PARP4: variants seen among roughly 807,000 people sequenced by gnomAD.
PARP4 encodes the protein poly(ADP-ribose) polymerase family member 4.
Under a neutral mutation model 187.7 loss-of-function variants are expected in PARP4, and 120 were observed. The ratio of observed to expected loss-of-function variants is 0.64; its 90% CI spans 0.55 to 0.74. The LOEUF (loss-of-function observed/expected upper bound fraction) is 0.74, where lower values mean the gene tolerates loss of function less well. PARP4 is among the 30% of genes least tolerant of loss of function. PARP4 has a pLI of 0.00. For synonymous variants in PARP4, 654 were observed against 740.9 expected (o/e 0.88, Z 1.90); for missense variants, 1,836 against 2,070.5 (o/e 0.89, Z 2.20).
chr13:24,434,180 G>T (rs1870482727), intron 31 of PARP4, among the ~76,000 whole-genome samples: 1 of 152,198 alleles, frequency 6.6e-6, no homozygotes, highest in South Asian at 2.1e-4. Flanking sequence ...AGAAACACCA[G>T]CCAGCATCAA....
chr13:24,478,143 C>T lies in PARP4; in HGVS notation c.1582G>A (p.Asp528Asn), dbSNP rs761239112. 12 of 1,613,468 alleles carry T rather than the reference C, an allele frequency of 7.4e-6. No homozygotes were observed. Among genetic ancestry groups the T allele is most frequent in the South Asian group, 4.4e-5 (4 of 91,018 alleles). ...GTTTGCGAAACTCCATGCACACTGT[C>T]GTAGCCTGGTGGTGCTTCAGTTAAG... is the stretch of plus-strand genomic sequence containing the variant. ...FSLTEAPPGY[D>N]SVHGVSQTAS... The change falls in exon 13 of 34, where the codon GAC (aspartate) becomes AAC (asparagine). Residue 528 changes from aspartate to asparagine, a missense_variant. Coordinates refer to ENST00000381989, the MANE Select transcript of PARP4 (RefSeq NM_006437.4).
chr13:24,484,768 A>G lies in PARP4; in HGVS notation c.1353-20T>C, dbSNP rs755640916. 8 of 1,449,484 alleles carry G rather than the reference A, an allele frequency of 5.5e-6. No homozygotes were observed. The African/African-American group carries it at 8.4e-5, about 15-fold the overall frequency. The allele number at this position is 1,449,484 out of a possible 1,614,324, so 89.8% of individuals were successfully genotyped here. ...AACCCTCTGAAAAGAGAAGGGCAGG[A>G]TAAGGTGTAAGCCCAACACTGACTG... On this transcript the variant is annotated intron_variant, in intron 11 of 33. Coordinates refer to ENST00000381989, the MANE Select transcript of PARP4 (RefSeq NM_006437.4).
chr13:24,442,106 G>T (rs1336165141), intron 29 of PARP4, 138 bp from the exon 30 acceptor site: 5 of 1,133,792 alleles, frequency 4.4e-6, no homozygotes, highest in African/African-American at 3.3e-5. Context: ...GGCCACAAGC[G>T]TGAGGGGAAG....
chr13:24,435,409 T>C lies in PARP4; in HGVS notation c.3732A>G (p.Pro1244=). 1 of 1,611,670 alleles carries C rather than the reference T, an allele frequency of 6.2e-7. No individual in the cohort carries two copies. ...ATAATTCCATTTTTCTTTTGGAAAA[T>C]GGAATTTTCCTATGTTTTCGTTTGG... is the stretch of plus-strand genomic sequence containing the variant. ...RLSKRKHRKI[P]FSKRKMELSQ... is the part of the protein sequence containing the mutation. The change falls in exon 31 of 34, where the codon CCA becomes CCG. Residue 1244 remains proline, a synonymous_variant. Coordinates refer to ENST00000381989, the MANE Select transcript of PARP4 (RefSeq NM_006437.4).
rs61947037 is a variant in PARP4, at chr13:24,447,016, C to T, written c.3285G>A (p.Gln1095=). The part of the protein sequence containing the change: ...LVYGFIPHCT[Q]ATLCALIQEK... ...AATAACAAACTCTGCGTCTTCTTAC[C>T]TGTGTGCAGTGAGGAATGAATCCAT... Residue 1095 remains glutamine, a splice_region_variant and synonymous_variant, in exon 26 of 34, where the codon CAG becomes CAA. Transcript: ENST00000381989. 0.56 allele frequency: 886,700 copies of T among 1,572,768 alleles called. 255,270 individuals are homozygous for T. The highest frequency in any genetic ancestry group is 0.65 in the East Asian group (28,686 of 44,234).
At chr13:24,437,684 G>T (rs889809744) in intron 30 of PARP4, among the ~76,000 whole-genome samples, 1 of 152,006 alleles carries the variant, frequency 6.6e-6, no homozygotes, top group Admixed American at 6.6e-5. Flanking sequence ...GATATGCAAA[G>T]ATCAAAAAAT....
In PARP4 at chr13:24,447,051, G is replaced by A. The variant is rs368385574; in HGVS notation, c.3250C>T (p.Leu1084Phe). ...QVPSLFLNDR[L>F]LVYGFIPHCT... Reference sequence around the variant, plus strand: ...TGAGGAATGAATCCATAGACAAGGAGTCGATCATTGAGAAACAAGGACGGC... The same window carrying A: ...TGAGGAATGAATCCATAGACAAGGAATCGATCATTGAGAAACAAGGACGGC... Residue 1084 changes from leucine (L) to phenylalanine (F), a missense_variant, in exon 26 of 34, where the codon CTC becomes TTC. Transcript: ENST00000381989. 2.5e-6 allele frequency: 4 copies of A among 1,607,100 alleles called. No individual in the cohort carries two copies. In the African/African-American group the frequency reaches 4.0e-5, roughly 16 times the overall value.
At chr13:24,471,046 C>A (rs774654682) in intron 15 of PARP4, among the ~76,000 whole-genome samples, 12 of 152,172 alleles carry the variant, frequency 7.9e-5, no homozygotes, top group Non-Finnish European at 1.6e-4. Context: ...GCGATCTGGG[C>A]TATGCTGCCT....
At chr13:24,494,879 C>CT (rs139965809) in intron 6 of PARP4, among the ~76,000 whole-genome samples, 157 bp from the exon 7 acceptor site, 69 of 146,588 alleles carry the variant, frequency 4.7e-4, no homozygotes, top group Middle Eastern at 3.5e-3. Flanking sequence ...TTTTCTTTTT[C>CT]TTTTTTTTTT....
intron 25 of PARP4, 105 bp downstream of exon 25, chr13:24,449,613 G>A (rs1044196673): frequency 1.8e-5 from 12 of 665,246 alleles, no homozygotes; most frequent in African/African-American, 9.2e-5. Context: ...GCCTCTTTAC[G>A]GCTCCCCTCT....
Position 24,459,063 on chromosome 13 carries a change from G to C in PARP4, c.2405C>G (p.Thr802Arg). The C allele has an allele frequency of 6.2e-7, 1 of 1,605,390 alleles. No homozygotes were observed. The highest frequency in any genetic ancestry group is 1.7e-5 in the Admixed American group (1 of 59,710). ...ACTAACCTTTTGTTTCAGTTCATGTGTATCACTGAAAATGAATTCAATCAC... is the reference window on the plus strand; with the variant it reads ...ACTAACCTTTTGTTTCAGTTCATGTCTATCACTGAAAATGAATTCAATCAC... ...PYVIEFIFSD[T>R]HELKQKRTDC... is the part of the protein sequence containing the mutation. Residue 802 changes from threonine (T) to arginine (R), a missense_variant, in exon 20 of 34, where the codon ACA (threonine) becomes AGA (arginine). Around this residue, in one of 8 missense-constraint regions of PARP4, gnomAD observed 1,147 missense variants for 1,214.2 expected, o/e 0.94. Transcript: ENST00000381989.
chr13:24,477,584 A>T, intron 14 of PARP4, 117 bp downstream of exon 14: 1 of 641,074 alleles, frequency 1.6e-6, no homozygotes, highest in Non-Finnish European at 2.7e-6. Context: ...AGGAAATGAA[A>T]TACTTATGGA....
chr13:24,428,260 CTTGT>C (rs954700629), intron 32 of PARP4, among the ~76,000 whole-genome samples: 60 of 152,310 alleles, frequency 3.9e-4, no homozygotes, highest in Non-Finnish European at 3.5e-4. Context: ...CAGTTTTCCT[CTTGT>C]TTCTCAGGCC....
At position 24,443,740 on chromosome 13, in the gene PARP4, A is replaced by G. The variant is rs758575315; in HGVS notation, c.3367-10T>C. On this transcript the variant is annotated splice_polypyrimidine_tract_variant and intron_variant, in intron 27 of 33. Transcript: ENST00000381989. Reference sequence around the variant, plus strand: ...CCAGCTTGTGGATCATCTGTGTTTAAGCAGCAAAGGAAAAAAAATATTCAC... The same window carrying G: ...CCAGCTTGTGGATCATCTGTGTTTAGGCAGCAAAGGAAAAAAAATATTCAC... The G allele has an allele frequency of 4.4e-6, 7 of 1,603,502 alleles. No homozygotes were observed. In the South Asian group the frequency reaches 7.7e-5, roughly 18 times the overall value.
intron 8 of PARP4, 86 bp downstream of exon 8, chr13:24,493,510 A>G: frequency 7.7e-7 from 1 of 1,296,992 alleles, no homozygotes. Flanking sequence ...CAGTCAGGCC[A>G]GCATGCAAAC....
intron 20 of PARP4, among the ~76,000 whole-genome samples, chr13:24,456,921 C>T (rs1871888737): frequency 6.6e-6 from 1 of 151,570 alleles, no homozygotes; most frequent in African/African-American, 2.4e-5. Flanking sequence ...CAAAACAAAA[C>T]AAAACAAAAA....
In PARP4 at chr13:24,494,817, G is replaced by A. The variant is rs1868853696; in HGVS notation, c.592-95C>T. On this transcript the variant is annotated intron_variant, in intron 6 of 33. Coordinates refer to ENST00000381989, the MANE Select transcript of PARP4 (RefSeq NM_006437.4). ...AGCAGTAGGTCCTTGACATGAAGAA[G>A]CTTAGAAATTAGTTTTTTTCAAAGA... is the stretch of plus-strand genomic sequence containing the variant. 3 of 749,052 alleles carry A rather than the reference G, an allele frequency of 4.0e-6. No individual in the cohort carries two copies. The South Asian group carries it at 6.5e-5, about 16-fold the overall frequency. 46.4% of individuals were successfully genotyped at this position (749,052 alleles called of 1,614,324 possible).
chr13:24,498,131 C>T lies in PARP4; in HGVS notation c.576G>A (p.Leu192=), dbSNP rs1366220886. The change falls in exon 6 of 34, where the codon CTG becomes CTA. Residue 192 remains leucine, a synonymous_variant. Transcript: ENST00000381989. The part of the protein sequence containing the change: ...CPFLISSHFL[L]DDGMETRRQF... ...ACAGCATTACCTCCATGCCATCATC[C>T]AGGAGGAAGTGTGAGGATATCAGGA... The T allele has an allele frequency of 1.2e-6, 2 of 1,608,438 alleles. No individual in the cohort carries two copies. The highest frequency in any genetic ancestry group is 1.7e-6 in the Non-Finnish European group (2 of 1,174,978).
chr13:24,496,883 C>T (rs9581080), intron 6 of PARP4, among the ~76,000 whole-genome samples: 2,250 of 152,202 alleles, frequency 0.015, 60 homozygotes, highest in African/African-American at 0.051. Context: ...ATTAGCCAGG[C>T]GTGGCAGCGC....
Sources: allele counts gnomAD v4.1 joint callset (sites outside exome capture counted in the v4.1 genomes callset), GRCh38; gene constraint gnomAD v4.1.1; regional missense constraint gnomAD v4.1.1; transcripts MANE v1.5; gene names NCBI Gene and HGNC (gene_info 2026-07-23, HGNC 2026-07-21).